Variants in EBF1 observed in about 807,000 individuals in gnomAD.
The protein encoded by EBF1 is transcription factor COE1.
Under a neutral mutation model 68.4 loss-of-function variants are expected in EBF1, and 10 were observed. That is an observed-to-expected ratio of 0.15 (90% CI 0.09 to 0.25). The LOEUF (loss-of-function observed/expected upper bound fraction) is 0.25, where lower values mean the gene tolerates loss of function less well. EBF1 is among the 10% of genes least tolerant of loss of function. The pLI, the probability that EBF1 is intolerant of heterozygous loss-of-function variation, is 1.00. For synonymous variants in EBF1, 298 were observed against 299.8 expected, an observed-to-expected ratio of 0.99 and a Z score of 0.06; for missense variants, 509 against 794.4, an observed-to-expected ratio of 0.64 and a Z score of 4.32.
At chr5:158,761,828 A>T (rs1452683117) in intron 10 of EBF1, among the ~76,000 whole-genome samples, 2 of 152,198 alleles carry the variant, frequency 1.3e-5, no homozygotes, top group African/African-American at 2.4e-5. Context: ...ATATTATATT[A>T]TAGGCTGTTT....
chr5:158,893,752 G>A (rs928924230), intron 6 of EBF1, among the ~76,000 whole-genome samples: 3 of 152,172 alleles, frequency 2.0e-5, no homozygotes, highest in Admixed American at 6.5e-5. Context: ...CCACAAGACA[G>A]ACAAGAAGAG....
chr5:159,099,670 C>A lies in EBF1; in HGVS notation c.-192G>T. 1 of 553,832 alleles carries A rather than the reference C, an allele frequency of 1.8e-6. No individual in the cohort carries two copies. Among genetic ancestry groups the A allele is most frequent in the Non-Finnish European group, 2.8e-6 (1 of 359,314 alleles). 34.3% of individuals were successfully genotyped at this position (553,832 alleles called of 1,614,324 possible). A position where few individuals can be genotyped will look rare whatever the true frequency, so the allele number is the denominator to read the frequency against. On this transcript the variant is annotated 5_prime_UTR_variant, in exon 1 of 16. Transcript: ENST00000313708. ...GCAAATTTTTAAAAAATGTAAACCT[C>A]TGCTCAAAACTGAGCGATAACCCGA... is the stretch of plus-strand genomic sequence containing the variant.
chr5:159,074,178 G>C (rs1387825067), intron 5 of EBF1, among the ~76,000 whole-genome samples: 1 of 152,170 alleles, frequency 6.6e-6, no homozygotes, highest in Non-Finnish European at 1.5e-5. Flanking sequence ...AGCTCTGTGA[G>C]AGGACGCTCT....
chr5:158,918,494 A>G (rs1293086996), intron 6 of EBF1, among the ~76,000 whole-genome samples: 2 of 138,788 alleles, frequency 1.4e-5, no homozygotes, highest in Admixed American at 1.4e-4. Context: ...ATGGATTACC[A>G]TTAGTGTTAC....
chr5:158,895,971 G>T (rs1802100967), intron 6 of EBF1, among the ~76,000 whole-genome samples: 1 of 152,142 alleles, frequency 6.6e-6, no homozygotes, highest in African/African-American at 2.4e-5. Context: ...GTGGTTAAAA[G>T]ATGGAAAGGA....
intron 6 of EBF1, among the ~76,000 whole-genome samples, chr5:159,060,931 C>CAT (rs1775669264): frequency 1.2e-5 from 1 of 85,002 alleles, no homozygotes; most frequent in Non-Finnish European, 2.3e-5. Flanking sequence ...GTTAAAGCTA[C>CAT]ATACACACAC....
At chr5:158,714,528 T>C (rs2127495487) in intron 11 of EBF1, among the ~76,000 whole-genome samples, 1 of 152,360 alleles carries the variant, frequency 6.6e-6, no homozygotes, top group Middle Eastern at 3.4e-3. Flanking sequence ...TATGAATCCC[T>C]AAGATGTGTT....
intron 9 of EBF1, among the ~76,000 whole-genome samples, chr5:158,785,494 T>A (rs1014771698): frequency 2.6e-5 from 4 of 152,160 alleles, no homozygotes; most frequent in Admixed American, 2.6e-4. Flanking sequence ...CTAATCAGAG[T>A]TCTCTGGGTT....
intron 9 of EBF1, among the ~76,000 whole-genome samples, chr5:158,786,966 A>G (rs1777574882): frequency 6.6e-6 from 1 of 152,186 alleles, no homozygotes; most frequent in Non-Finnish European, 1.5e-5. Context: ...ACAGAGACTC[A>G]CTCTAACATT....
intron 7 of EBF1, among the ~76,000 whole-genome samples, chr5:158,833,000 C>T (rs1426618046): frequency 2.6e-5 from 4 of 152,094 alleles, no homozygotes; most frequent in Admixed American, 2.6e-4. Flanking sequence ...TTTGTGTTTG[C>T]TATTCCCTTT....
Position 158,753,854 on chromosome 5 carries a change from A to AT in EBF1, c.1037-22698_1037-22697insA, listed in dbSNP as rs1245518104. Reference sequence around the variant, plus strand: ...GTTTACTTTCAGACAGATTGTGACGACCACAAAACTTACCTGCATGAGTAT... The same window carrying AT: ...GTTTACTTTCAGACAGATTGTGACGATCCACAAAACTTACCTGCATGAGTAT... On this transcript the variant is annotated intron_variant, in intron 10 of 15. Coordinates refer to ENST00000313708, the MANE Select transcript of EBF1 (RefSeq NM_024007.5). Among the ~76,000 whole-genome samples the AT allele has an allele frequency of 7.2e-5, 11 of 152,236 alleles. No homozygotes were observed. The East Asian group carries it at 1.5e-3, about 21-fold the overall frequency.
chr5:158,866,637 T>C (rs989544339), intron 6 of EBF1, among the ~76,000 whole-genome samples: 1 of 151,820 alleles, frequency 6.6e-6, no homozygotes, highest in African/African-American at 2.4e-5. Flanking sequence ...CACACGTCAC[T>C]TTTAATAAGT....
At chr5:158,832,803 C>T (rs73816077) in intron 7 of EBF1, among the ~76,000 whole-genome samples, 1 of 152,118 alleles carries the variant, frequency 6.6e-6, no homozygotes. Context: ...CTAGAATTTA[C>T]TTGAAAAGGC....
At chr5:158,699,256 A>G (rs536947276) in intron 15 of EBF1, 114 bp from the exon 16 acceptor site, 4 of 1,063,928 alleles carry the variant, frequency 3.8e-6, no homozygotes, top group Admixed American at 2.7e-5. Flanking sequence ...TTGTTCGACT[A>G]TTAGCCACAA....
intron 15 of EBF1, 44 bp downstream of exon 15, chr5:158,707,935 T>C: frequency 6.5e-7 from 1 of 1,534,804 alleles, no homozygotes; most frequent in South Asian, 1.2e-5. Context: ...GAGGGTGAAG[T>C]CAGGGCATTG....
rs189576227 is a variant in EBF1, at chr5:158,997,637, G to T, written c.554+75759C>A. On this transcript the variant is annotated intron_variant, in intron 6 of 15. Coordinates refer to ENST00000313708, the MANE Select transcript of EBF1 (RefSeq NM_024007.5). ...CCATTCCTGATTTTCACTGGTGCTT[G>T]TCCTTACGCCATGCAAATTTATTCT... Among the ~76,000 whole-genome samples, 204 of 152,216 alleles carry T rather than the reference G, an allele frequency of 1.3e-3. 2 individuals are homozygous for T. The highest frequency in any genetic ancestry group is 4.7e-3 in the African/African-American group (194 of 41,512).
At chr5:158,851,939 C>CAGGGAAGGGTGGGGAGGGG (rs1792916010) in intron 6 of EBF1, among the ~76,000 whole-genome samples, 1 of 322 alleles carries the variant, frequency 3.1e-3, no homozygotes, top group East Asian at 0.038. Context: ...AGGGGAGGGG[C>CAGGGAAGGGTGGGGAGGGG]AGGGGAAGGG....
At chr5:159,081,115 G>A (rs1346775578) in intron 5 of EBF1, among the ~76,000 whole-genome samples, 1 of 152,096 alleles carries the variant, frequency 6.6e-6, no homozygotes, top group African/African-American at 2.4e-5. Context: ...TGAGTAGCTG[G>A]GAATACAGGC....
intron 9 of EBF1, among the ~76,000 whole-genome samples, chr5:158,789,249 C>A (rs755400994): frequency 2.0e-5 from 3 of 152,098 alleles, no homozygotes; most frequent in Non-Finnish European, 4.4e-5. Flanking sequence ...TAAATCCACA[C>A]ATTTAATCAA....
Sources: allele counts gnomAD v4.1 joint callset (sites outside exome capture counted in the v4.1 genomes callset), GRCh38; gene constraint gnomAD v4.1.1; transcripts MANE v1.5; gene names NCBI Gene and HGNC (gene_info 2026-07-23, HGNC 2026-07-21).